Variants in ENTPD1 observed in about 807,000 individuals in gnomAD.
ENTPD1 encodes ectonucleoside triphosphate diphosphohydrolase 1, also known as ATP diphosphohydrolase.
ENTPD1 carries 33 observed loss-of-function variants against 57.0 expected under a neutral mutation model. That is an observed-to-expected ratio of 0.58 (90% CI 0.44 to 0.77). The LOEUF (loss-of-function observed/expected upper bound fraction) is 0.77, where lower values mean the gene tolerates loss of function less well. ENTPD1 is among the 30% of genes least tolerant of loss of function. The pLI, the probability that ENTPD1 is intolerant of heterozygous loss-of-function variation, is 0.00. For missense variants in ENTPD1, 501 were observed against 603.4 expected (o/e 0.83, Z 1.78); for synonymous variants, 202 against 218.8 (o/e 0.92, Z 0.68).
intron 1 of ENTPD1, among the ~76,000 whole-genome samples, chr10:95,810,785 A>G (rs1053463084): frequency 2.0e-5 from 3 of 152,210 alleles, no homozygotes; most frequent in African/African-American, 7.2e-5. Flanking sequence ...TTTTGCTCTC[A>G]GAGGAAGTTC....
At chr10:95,847,131 T>C (rs892360516) in intron 6 of ENTPD1, among the ~76,000 whole-genome samples, 2 of 152,180 alleles carry the variant, frequency 1.3e-5, no homozygotes, top group Non-Finnish European at 2.9e-5. Context: ...CCTTGTGAAT[T>C]TGCTCCTGAC....
In ENTPD1 at chr10:95,873,642, G is replaced by T. The variant is rs2098482825; in HGVS notation, c.*7259G>T. 3 of 985,312 alleles carry T rather than the reference G, an allele frequency of 3.0e-6. No individual in the cohort carries two copies. The highest frequency in any genetic ancestry group is 2.4e-6 in the Non-Finnish European group (2 of 829,940). The allele number at this position is 985,312 out of a possible 1,614,324, so 61.0% of individuals were successfully genotyped here. A position where few individuals can be genotyped will look rare whatever the true frequency, so the allele number is the denominator to read the frequency against. ...TGTTTCCTTCTGTCACTCTACTAGG[G>T]ATGAAACAGCTAATCATGTTCAATA... On this transcript the variant is annotated 3_prime_UTR_variant, in exon 10 of 10. Coordinates refer to ENST00000371205, the MANE Select transcript of ENTPD1 (RefSeq NM_001776.6).
chr10:95,737,776 G>A (rs2097996263), intron 1 of ENTPD1, among the ~76,000 whole-genome samples: 1 of 152,170 alleles, frequency 6.6e-6, no homozygotes, highest in South Asian at 2.1e-4. Context: ...TATTTGAATT[G>A]AATAGACTTG....
chr10:95,772,443 GT>G (rs2140107379), intron 1 of ENTPD1, among the ~76,000 whole-genome samples: 1 of 152,278 alleles, frequency 6.6e-6, no homozygotes, highest in East Asian at 1.9e-4. Context: ...TTTCAACAAT[GT>G]TCACAGTATC....
At chr10:95,816,790 CTTG>C (rs1164120594) in intron 1 of ENTPD1, among the ~76,000 whole-genome samples, 3 of 152,200 alleles carry the variant, frequency 2.0e-5, no homozygotes, top group Non-Finnish European at 4.4e-5. Flanking sequence ...TTCATGGTAA[CTTG>C]TTGTGGCAGC....
At chr10:95,813,402 A>G (rs1234239917) in intron 1 of ENTPD1, among the ~76,000 whole-genome samples, 2 of 152,232 alleles carry the variant, frequency 1.3e-5, no homozygotes, top group Non-Finnish European at 2.9e-5. Flanking sequence ...ACATCAAAAC[A>G]TGAAGCAGAG....
chr10:95,698,513 G>A, the ENTPD1 span, among the ~76,000 whole-genome samples: 1 of 152,232 alleles, frequency 6.6e-6, no homozygotes, highest in Admixed American at 6.5e-5. Context: ...AAGGGAGACA[G>A]ATACCATTCC....
chr10:95,774,999 T>C (rs1331937230), intron 1 of ENTPD1, among the ~76,000 whole-genome samples: 1 of 152,202 alleles, frequency 6.6e-6, no homozygotes, highest in African/African-American at 2.4e-5. Context: ...TGTCCTTTTT[T>C]ATTTCGTTGA....
chr10:95,876,070 A>G lies in ENTPD1; in HGVS notation c.*9687A>G. On this transcript the variant is annotated 3_prime_UTR_variant, in exon 10 of 10. Transcript: ENST00000371205. ...AACATATCATAAGGAAATTATTTTT[A>G]CAAGGTTTGAAACCTGAAATGCAGT... is the stretch of plus-strand genomic sequence containing the variant. The G allele has an allele frequency of 1.0e-6, 1 of 985,408 alleles. No homozygotes were observed. The highest frequency in any genetic ancestry group is 1.2e-6 in the Non-Finnish European group (1 of 829,890). The allele number at this position is 985,408 out of a possible 1,614,324, so 61.0% of individuals were successfully genotyped here. A position where few individuals can be genotyped will look rare whatever the true frequency, so the allele number is the denominator to read the frequency against.
chr10:95,703,588 C>T, the ENTPD1 span, among the ~76,000 whole-genome samples: 2 of 151,864 alleles, frequency 1.3e-5, no homozygotes, highest in Admixed American at 1.3e-4. Flanking sequence ...TTGAGGCCAG[C>T]CTGGCTAACA....
chr10:95,721,043 T>A (rs1350124326), intron 1 of ENTPD1, among the ~76,000 whole-genome samples: 1 of 152,060 alleles, frequency 6.6e-6, no homozygotes, highest in Non-Finnish European at 1.5e-5. Flanking sequence ...TTTGAAGTGT[T>A]TTTTTTTATG....
At chr10:95,845,726 C>T (rs1590127596) in intron 6 of ENTPD1, 130 bp downstream of exon 6, 2 of 1,524,022 alleles carry the variant, frequency 1.3e-6, no homozygotes, top group Non-Finnish European at 1.8e-6. Flanking sequence ...CCTTTTTAGG[C>T]AGGATATTGA....
intron 1 of ENTPD1, among the ~76,000 whole-genome samples, chr10:95,768,796 GTTCT>G (rs1366624017): frequency 2.0e-5 from 3 of 151,922 alleles, no homozygotes; most frequent in African/African-American, 4.8e-5. Context: ...TTCCTTCATT[GTTCT>G]TTCTATTTTC....
rs148108259 is a variant in ENTPD1 at position 95,857,008 on chromosome 10, T to G, written c.1075-3461T>G. Among the ~76,000 whole-genome samples the G allele has an allele frequency of 2.3e-3, 341 of 150,522 alleles. 5 individuals carry two copies. Among genetic ancestry groups the G allele is most frequent in the Admixed American group, 0.019 (282 of 15,136 alleles). On this transcript the variant is annotated intron_variant, in intron 7 of 9. Coordinates refer to ENST00000371205, the MANE Select transcript of ENTPD1 (RefSeq NM_001776.6). ...ATTTAAATTCTATATAATAAACGTG[T>G]TTTTTTTTAATAAGCCAGCATTTTA...
chr10:95,805,817 C>T (rs1355330546), intron 1 of ENTPD1, among the ~76,000 whole-genome samples: 1 of 152,160 alleles, frequency 6.6e-6, no homozygotes, highest in Non-Finnish European at 1.5e-5. Flanking sequence ...TGAATATTGG[C>T]CCCCATTCTC....
intron 1 of ENTPD1, among the ~76,000 whole-genome samples, chr10:95,782,202 TACA>T (rs2098160690): frequency 1.3e-5 from 2 of 152,254 alleles, no homozygotes; most frequent in African/African-American, 2.4e-5. Context: ...TGTTTACCCC[TACA>T]ACAACAATTT....
the ENTPD1 span, among the ~76,000 whole-genome samples, chr10:95,700,900 C>T: frequency 2.0e-5 from 3 of 151,708 alleles, no homozygotes; most frequent in Non-Finnish European, 4.4e-5. Context: ...TCAAGCAATT[C>T]TCCTGCCTCA....
chr10:95,869,989 G>C lies in ENTPD1; in HGVS notation c.*3606G>C, dbSNP rs1217369325. The C allele has an allele frequency of 1.0e-6, 1 of 985,446 alleles. No individual in the cohort carries two copies. The highest frequency in any genetic ancestry group is 1.2e-6 in the Non-Finnish European group (1 of 829,928). The allele number at this position is 985,446 out of a possible 1,614,324, so 61.0% of individuals were successfully genotyped here. A position where few individuals can be genotyped will look rare whatever the true frequency, so the allele number is the denominator to read the frequency against. ...ATACACGTAAAGTTAAAGTTTAAAA[G>C]ACACAGGAACTAAGCCCTCATTGTC... On this transcript the variant is annotated 3_prime_UTR_variant, in exon 10 of 10. Transcript: ENST00000371205.
intron 7 of ENTPD1, among the ~76,000 whole-genome samples, chr10:95,855,657 G>T (rs557378247): frequency 1.1e-3 from 174 of 152,284 alleles, no homozygotes; most frequent in Non-Finnish European, 2.2e-3. Flanking sequence ...CTCAGTGTTT[G>T]CTTGTCTGTA....
Sources: allele counts gnomAD v4.1 joint callset (sites outside exome capture counted in the v4.1 genomes callset), GRCh38; gene constraint gnomAD v4.1.1; transcripts MANE v1.5; gene names NCBI Gene and HGNC (gene_info 2026-07-23, HGNC 2026-07-21).